The following TMEM45A variants were observed in gnomAD, a reference collection of about 807,000 sequenced individuals.
TMEM45A encodes DNA polymerase-transactivated protein 4.
Under a neutral mutation model 32.0 loss-of-function variants are expected in TMEM45A, and 25 were observed. That is an observed-to-expected ratio of 0.78 (90% CI 0.57 to 1.09). The LOEUF (loss-of-function observed/expected upper bound fraction) is 1.09. Ranked by LOEUF, TMEM45A falls within the 50% of genes least tolerant of loss-of-function variation. TMEM45A has a pLI of 0.00. For missense variants in TMEM45A, 302 were observed against 325.0 expected, an observed-to-expected ratio of 0.93 and a Z score of 0.54; for synonymous variants, 122 against 114.8, an observed-to-expected ratio of 1.06 and a Z score of -0.40.
At chr3:100,519,625 T>C (rs1444459196) in intron 1 of TMEM45A, 1 of 1,550,592 alleles carries the variant, frequency 6.4e-7, no homozygotes, top group Admixed American at 2.0e-5. Context: ...TTGGCGTTTC[T>C]GCAGTAACCT....
chr3:100,546,296 A>T (rs555432993), intron 1 of TMEM45A, among the ~76,000 whole-genome samples: 45 of 152,204 alleles, frequency 3.0e-4, no homozygotes, highest in Non-Finnish European at 5.3e-4. Flanking sequence ...TGACCCATAG[A>T]ACGGTAATAT....
chr3:100,495,254 ATC>A (rs1707906864), intron 1 of TMEM45A, among the ~76,000 whole-genome samples: 1 of 152,180 alleles, frequency 6.6e-6, no homozygotes, highest in South Asian at 2.1e-4. Flanking sequence ...GAAAAAGGCT[ATC>A]TTTTGTAGGA....
chr3:100,557,715 AG>A (rs1020861815), intron 3 of TMEM45A, among the ~76,000 whole-genome samples: 2 of 152,230 alleles, frequency 1.3e-5, no homozygotes, highest in African/African-American at 2.4e-5. Flanking sequence ...GCTGGATAAA[AG>A]ATGGATGTCA....
chr3:100,555,773 A>G (rs778281777), intron 2 of TMEM45A, among the ~76,000 whole-genome samples: 1 of 152,218 alleles, frequency 6.6e-6, no homozygotes, highest in Non-Finnish European at 1.5e-5. Context: ...TCCATTATAA[A>G]AGATAAAATT....
At chr3:100,502,708 T>A (rs1164653267) in intron 1 of TMEM45A, among the ~76,000 whole-genome samples, 1 of 152,196 alleles carries the variant, frequency 6.6e-6, no homozygotes, top group Non-Finnish European at 1.5e-5. Context: ...TGGCCTCAAG[T>A]GATCCTCCTG....
chr3:100,556,688 A>C, intron 2 of TMEM45A, 72 bp from the exon 3 acceptor site: 1 of 1,352,928 alleles, frequency 7.4e-7, no homozygotes, highest in African/African-American at 1.4e-5. Context: ...TAAGCAATGG[A>C]CTAGTCCTCC....
chr3:100,540,462 G>A (rs958992926), intron 1 of TMEM45A, among the ~76,000 whole-genome samples: 1 of 152,104 alleles, frequency 6.6e-6, no homozygotes, highest in Non-Finnish European at 1.5e-5. Context: ...TGTCATCAGG[G>A]AATTGCAAAT....
intron 1 of TMEM45A, among the ~76,000 whole-genome samples, chr3:100,498,001 G>A (rs1001451191): frequency 4.6e-5 from 7 of 152,184 alleles, no homozygotes; most frequent in African/African-American, 9.7e-5. Context: ...TAATCCACAC[G>A]TGGAGAGGGA....
At chr3:100,563,650 T>G (rs1211671627) in intron 4 of TMEM45A, among the ~76,000 whole-genome samples, 1 of 152,206 alleles carries the variant, frequency 6.6e-6, no homozygotes, top group Non-Finnish European at 1.5e-5. Context: ...CTTAGATAAC[T>G]GGGCCTTTGA....
chr3:100,558,555 G>A lies in TMEM45A; in HGVS notation c.554G>A (p.Ser185Asn). 6.2e-7 allele frequency: 1 copy of A among 1,614,138 alleles called. No homozygotes were observed. The highest frequency in any genetic ancestry group is 8.5e-7 in the Non-Finnish European group (1 of 1,179,980). ...GTACTTCTGGAGCTATTGCGGTCAA[G>A]TCTCATTCTGCTTCAGGGGAGCTGG... The part of the protein sequence containing the change: ...NNVLLELLRS[S>N]LILLQGSWFF... Residue 185 changes from serine to asparagine, a missense_variant, in exon 4 of 6, where the codon AGT becomes AAT. Coordinates refer to ENST00000323523, the MANE Select transcript of TMEM45A (RefSeq NM_018004.3).
rs115943104 is a variant in TMEM45A at position 100,527,034 on chromosome 3, A to T, written c.-3-28175A>T. Reference sequence around the variant, plus strand: ...TTAAAATACATAAATGTAATTTAAAATTATAATATATATGCTTTTTGGGAC... The same window carrying T: ...TTAAAATACATAAATGTAATTTAAATTTATAATATATATGCTTTTTGGGAC... On this transcript the variant is annotated intron_variant, in intron 1 of 5. Transcript: ENST00000323523. Among the ~76,000 whole-genome samples, 473 of 152,314 alleles carry T rather than the reference A, an allele frequency of 3.1e-3. 4 individuals are homozygous for T. The highest frequency in any genetic ancestry group is 5.1e-3 in the Non-Finnish European group (349 of 68,024).
At chr3:100,520,095 GAGCT>G (rs1459188834) in intron 1 of TMEM45A, among the ~76,000 whole-genome samples, 1 of 152,142 alleles carries the variant, frequency 6.6e-6, no homozygotes, top group Admixed American at 6.5e-5. Flanking sequence ...TGTATACATG[GAGCT>G]TTCATTCTAG....
At position 100,577,225 on chromosome 3, in the gene TMEM45A, A is replaced by G. The variant is rs1341244514; in HGVS notation, c.*207A>G. 1 of 452,672 alleles carries G rather than the reference A, an allele frequency of 2.2e-6. No homozygotes were observed. Among genetic ancestry groups the G allele is most frequent in the African/African-American group, 2.0e-5 (1 of 49,120 alleles). The allele number at this position is 452,672 out of a possible 1,614,324, so 28.0% of individuals were successfully genotyped here. The stretch of plus-strand genomic sequence containing the variant: ...TTTGGGTGATACTTTCATTTTGCAC[A>G]TCATGCACATCATGGTATTCAGGGG... On this transcript the variant is annotated 3_prime_UTR_variant, in exon 6 of 6. Coordinates refer to ENST00000323523, the MANE Select transcript of TMEM45A (RefSeq NM_018004.3).
rs766289846 is a variant in TMEM45A, at chr3:100,558,548, C to T, written c.547C>T (p.Arg183Trp). 1.6e-5 allele frequency: 26 copies of T among 1,614,100 alleles called. No individual in the cohort carries two copies. Among genetic ancestry groups the T allele is most frequent in the East Asian group, 6.7e-5 (3 of 44,888 alleles). ...VRNNVLLELLRSSLILLQGSW... is the reference protein window; with the variant it reads ...VRNNVLLELLWSSLILLQGSW... ...GAACAATGTACTTCTGGAGCTATTG[C>T]GGTCAAGTCTCATTCTGCTTCAGGG... Residue 183 changes from arginine (R) to tryptophan (W), a missense_variant, in exon 4 of 6, where the codon CGG becomes TGG. Coordinates refer to ENST00000323523, the MANE Select transcript of TMEM45A (RefSeq NM_018004.3).
chr3:100,558,675 C>T (rs147942286), intron 4 of TMEM45A, 86 bp downstream of exon 4: 2 of 1,363,822 alleles, frequency 1.5e-6, no homozygotes, highest in East Asian at 2.3e-5. Flanking sequence ...CTCCCGGAGA[C>T]TTCCCTCCAA....
chr3:100,514,701 G>C (rs1179145081), intron 1 of TMEM45A, among the ~76,000 whole-genome samples: 2 of 152,008 alleles, frequency 1.3e-5, no homozygotes, highest in Non-Finnish European at 2.9e-5. Context: ...CCTACAAAAT[G>C]GGAGAAAATG....
At chr3:100,558,068 T>A (rs1380400215) in intron 3 of TMEM45A, among the ~76,000 whole-genome samples, 1 of 152,230 alleles carries the variant, frequency 6.6e-6, no homozygotes, top group African/African-American at 2.4e-5. Flanking sequence ...TCCAACTTCG[T>A]CTTAATCCTT....
intron 1 of TMEM45A, among the ~76,000 whole-genome samples, chr3:100,511,069 A>G (rs1227344949): frequency 6.6e-6 from 1 of 152,212 alleles, no homozygotes; most frequent in African/African-American, 2.4e-5. Context: ...ATCCAGGAGA[A>G]CTTCCCCAAT....
chr3:100,544,739 T>C, intron 1 of TMEM45A, among the ~76,000 whole-genome samples: 1 of 152,226 alleles, frequency 6.6e-6, no homozygotes, highest in East Asian at 1.9e-4. Flanking sequence ...TGTTCATCCA[T>C]TCACATGTCA....
Sources: gnomAD v4.1 joint callset for allele counts (sites outside exome capture counted in the v4.1 genomes callset) on GRCh38, gnomAD v4.1.1 for gene constraint, MANE v1.5 for transcripts, NCBI Gene and HGNC (gene_info 2026-07-23, HGNC 2026-07-21) for gene names.